Variants in VWCE observed in about 807,000 individuals in gnomAD.
The protein encoded by VWCE is von Willebrand factor C and EGF domains.
Under a neutral mutation model 102.9 loss-of-function variants are expected in VWCE, and 68 were observed. The observed-to-expected ratio is 0.66, with a 90% CI of 0.54 to 0.81. The LOEUF (loss-of-function observed/expected upper bound fraction) is 0.81, where lower values mean the gene tolerates loss of function less well. Ranked by LOEUF, VWCE falls within the 30% of genes least tolerant of loss-of-function variation. The probability of loss-of-function intolerance (pLI) is 0.00; values close to 1 mark genes in which losing one functional copy is unlikely to be tolerated. For missense variants in VWCE, 1,137 were observed against 1,263.6 expected (o/e 0.90, Z 1.52); for synonymous variants, 497 against 515.4 (o/e 0.96, Z 0.48).
intron 6 of VWCE, 167 bp downstream of exon 6, chr11:61,282,622 C>T: frequency 1.5e-6 from 1 of 648,220 alleles, no homozygotes; most frequent in Non-Finnish European, 2.8e-6. Flanking sequence ...CATGCAGAGC[C>T]ACACCAACCC....
intron 19 of VWCE, among the ~76,000 whole-genome samples, chr11:61,263,197 C>T (rs753710916): frequency 1.1e-4 from 16 of 151,846 alleles, no homozygotes; most frequent in Non-Finnish European, 2.1e-4. Flanking sequence ...ATCCCAGCTA[C>T]TCAGGAGGCT....
At chr11:61,293,933 A>T (rs1855591649) in intron 1 of VWCE, among the ~76,000 whole-genome samples, 1 of 151,744 alleles carries the variant, frequency 6.6e-6, no homozygotes, top group African/African-American at 2.4e-5. Flanking sequence ...AGTCTCATCC[A>T]CCCCCTTGCT....
Position 61,265,215 on chromosome 11 carries a change from G to T in VWCE, c.1966-3C>A. On this transcript the variant is annotated splice_region_variant and splice_polypyrimidine_tract_variant and intron_variant, in intron 16 of 19. Transcript: ENST00000335613. ...GGGGAACAGGCCACTGAGCCCAGCTGCAGGACACAGAAAACACACAAGGCC... is the reference window on the plus strand; with the variant it reads ...GGGGAACAGGCCACTGAGCCCAGCTTCAGGACACAGAAAACACACAAGGCC... The T allele has an allele frequency of 6.8e-7, 1 of 1,473,184 alleles. No homozygotes were observed. The highest frequency in any genetic ancestry group is 2.5e-5 in the East Asian group (1 of 40,528). 91.3% of individuals were successfully genotyped at this position (1,473,184 alleles called of 1,614,324 possible).
At position 61,295,179 on chromosome 11, in the gene VWCE, G is replaced by A. The variant is rs1855636735; in HGVS notation, c.-142C>T. 4 of 467,872 alleles carry A rather than the reference G, an allele frequency of 8.5e-6. No homozygotes were observed. The highest frequency in any genetic ancestry group is 1.4e-5 in the Non-Finnish European group (4 of 290,684). 29.0% of individuals were successfully genotyped at this position (467,872 alleles called of 1,614,324 possible). A position where few individuals can be genotyped will look rare whatever the true frequency, so the allele number is the denominator to read the frequency against. The stretch of plus-strand genomic sequence containing the variant: ...GAAATGGCACGCAGAGCTGAGCAGG[G>A]GGGCTTGGGACGCCGAGAGGAGGGG... On this transcript the variant is annotated 5_prime_UTR_variant, in exon 1 of 20. Transcript: ENST00000335613. The surrounding 1 kb of genome is among the most constrained non-coding windows in gnomAD (Gnocchi z 4.6).
intron 13 of VWCE, among the ~76,000 whole-genome samples, chr11:61,272,585 AACAC>A (rs765156806): frequency 2.6e-5 from 4 of 151,858 alleles, no homozygotes; most frequent in Non-Finnish European, 2.9e-5. Context: ...GAAACACAGA[AACAC>A]ACACACACAG....
At position 61,294,826 on chromosome 11, in the gene VWCE, A is replaced by T; in HGVS notation, c.110+102T>A. The stretch of plus-strand genomic sequence containing the variant: ...ATAGCACCCCAGAGGAAGCCCCGAC[A>T]CGCGGCTGCCTGCGGCTCCTGAGCG... On this transcript the variant is annotated intron_variant, in intron 1 of 19. Transcript: ENST00000335613. This position sits in a 1 kb window ranked among gnomAD's most constrained non-coding sequence, Gnocchi z 6.3. 1.3e-6 allele frequency: 1 copy of T among 760,386 alleles called. No individual in the cohort carries two copies. Among genetic ancestry groups the T allele is most frequent in the Non-Finnish European group, 1.9e-6 (1 of 538,724 alleles). The allele number at this position is 760,386 out of a possible 1,614,324, so 47.1% of individuals were successfully genotyped here.
chr11:61,291,506 T>C lies in VWCE; in HGVS notation c.181A>G (p.Met61Val), dbSNP rs1185271433. 2.6e-6 allele frequency: 4 copies of C among 1,536,000 alleles called. No homozygotes were observed. The highest frequency in any genetic ancestry group is 2.4e-5 in the East Asian group (1 of 41,000). ...SGCCPGWAPS[M>V]GGGHCTLPLC... is the part of the protein sequence containing the mutation. ...CGCAGGGTGCAGTGCCCACCACCCA[T>C]AGAGGGCGCCCAGCCAGGGCAGCAG... is the stretch of plus-strand genomic sequence containing the variant. Residue 61 changes from methionine to valine, a missense_variant, in exon 2 of 20, where the codon ATG becomes GTG. Coordinates refer to ENST00000335613, the MANE Select transcript of VWCE (RefSeq NM_152718.2).
chr11:61,278,837 G>A (rs528826062), intron 9 of VWCE, among the ~76,000 whole-genome samples: 5 of 152,036 alleles, frequency 3.3e-5, no homozygotes, highest in Admixed American at 1.3e-4. Flanking sequence ...TCAGGAGTTT[G>A]AGACCAGCCC....
chr11:61,274,882 C>A (rs923236173), intron 11 of VWCE, among the ~76,000 whole-genome samples: 1 of 152,100 alleles, frequency 6.6e-6, no homozygotes, highest in Non-Finnish European at 1.5e-5. Context: ...GTCAAAACAG[C>A]GAGACCCCAT....
chr11:61,294,674 C>T lies in VWCE; in HGVS notation c.110+254G>A, dbSNP rs1042633182. On this transcript the variant is annotated intron_variant, in intron 1 of 19. Coordinates refer to ENST00000335613, the MANE Select transcript of VWCE (RefSeq NM_152718.2). The surrounding 1 kb of genome is among the most constrained non-coding windows in gnomAD (Gnocchi z 6.3). ...GCTCCAGGGCACATTAGGAGTCACC[C>T]AACGCCTGGACCTCCGATCTCCCAG... Among the ~76,000 whole-genome samples the T allele has an allele frequency of 6.6e-6, 1 of 152,124 alleles. No individual in the cohort carries two copies. The highest frequency in any genetic ancestry group is 2.4e-5 in the African/African-American group (1 of 41,432).
At position 61,258,811 on chromosome 11, in the gene VWCE, G is replaced by A. The variant is rs376585418; in HGVS notation, c.2732C>T (p.Thr911Ile). ...LSMMDPSPSK[T>I]PITLLGPRVL... ...GCGAGGCCCGAGGAGGGTGATGGGGGTCTTCGAGGGGCTGGGGTCCATCAT... is the reference window on the plus strand; with the variant it reads ...GCGAGGCCCGAGGAGGGTGATGGGGATCTTCGAGGGGCTGGGGTCCATCAT... The change falls in exon 20 of 20, where the codon ACC becomes ATC. Residue 911 changes from threonine to isoleucine, a missense_variant. Transcript: ENST00000335613. 2.0e-6 allele frequency: 3 copies of A among 1,505,734 alleles called. No homozygotes were observed. The highest frequency in any genetic ancestry group is 2.3e-5 in the Admixed American group (1 of 43,094). 93.3% of individuals were successfully genotyped at this position (1,505,734 alleles called of 1,614,324 possible). A position where few individuals can be genotyped will look rare whatever the true frequency, so the allele number is the denominator to read the frequency against.
rs374694180 is a variant in VWCE at position 61,294,164 on chromosome 11, C to T, written c.110+764G>A. 1.3e-5 allele frequency among the ~76,000 whole-genome samples: 2 copies of T among 152,294 alleles called. No homozygotes were observed. The highest frequency in any genetic ancestry group is 2.4e-5 in the African/African-American group (1 of 41,576). ...TGACAGAGGGACAGGTGGTGGGAGC[C>T]TGTGGAACGCCGGGGAGTCGGGGCA... On this transcript the variant is annotated intron_variant, in intron 1 of 19. Coordinates refer to ENST00000335613, the MANE Select transcript of VWCE (RefSeq NM_152718.2). The surrounding 1 kb of genome is among the most constrained non-coding windows in gnomAD (Gnocchi z 6.3).
chr11:61,281,843 A>C lies in VWCE; in HGVS notation c.730T>G (p.Phe244Val), dbSNP rs1415004872. 6.2e-7 allele frequency: 1 copy of C among 1,613,956 alleles called. No homozygotes were observed. Among genetic ancestry groups the C allele is most frequent in the South Asian group, 1.1e-5 (1 of 91,004 alleles). Residue 244 changes from phenylalanine (F) to valine (V), a missense_variant, in exon 7 of 20, where the codon TTC becomes GTC. By Grantham distance (50) the Phe-to-Val change is conservative. This residue lies in a region of VWCE where 575 missense variants were observed against 625.9 expected (regional missense o/e 0.92). Coordinates refer to ENST00000335613, the MANE Select transcript of VWCE (RefSeq NM_152718.2). ...HHSCHNTVGS[F>V]LCTCRPGFRL... ...AAGCCAGGTCGGCATGTGCATAGGA[A>C]GCTGCCCACGGTGTTGTGGCAGGAA...
chr11:61,268,851 G>A (rs1477751746), intron 15 of VWCE, 71 bp downstream of exon 15: 15 of 1,496,392 alleles, frequency 1.0e-5, no homozygotes, highest in Middle Eastern at 3.4e-4. Context: ...GATGAAGGCT[G>A]TATAGGGCTT....
chr11:61,281,379 A>G (rs910415707), intron 7 of VWCE, 144 bp from the exon 8 acceptor site: 3 of 1,023,800 alleles, frequency 2.9e-6, no homozygotes, highest in Non-Finnish European at 4.2e-6. Context: ...TTATGGGGAC[A>G]CTGTCGCCGT....
chr11:61,273,178 G>C (rs1854783965), intron 13 of VWCE, 21 bp downstream of exon 13: 1 of 1,611,354 alleles, frequency 6.2e-7, no homozygotes, highest in African/African-American at 1.3e-5. Context: ...CCTGTGTCGG[G>C]GCAGCCCTGG....
At chr11:61,282,716 G>GTCCCTGGGC (rs2134823108) in intron 6 of VWCE, 73 bp downstream of exon 6, 2 of 1,241,548 alleles carry the variant, frequency 1.6e-6, no homozygotes, top group East Asian at 4.7e-5. Context: ...ACCTTCCCGG[G>GTCCCTGGGC]TCCCTGGGCT....
chr11:61,271,472 G>T, intron 14 of VWCE: 1 of 508,580 alleles, frequency 2.0e-6, no homozygotes, highest in South Asian at 2.0e-5. Flanking sequence ...AAGGCCAACT[G>T]CCAAGCACCA....
chr11:61,264,119 C>T (rs990118218), intron 19 of VWCE, among the ~76,000 whole-genome samples: 4 of 148,710 alleles, frequency 2.7e-5, no homozygotes, highest in Admixed American at 6.8e-5. Context: ...CCAGCTACTC[C>T]GGAGGCTGAG....
Sources: gnomAD v4.1 joint callset for allele counts (sites outside exome capture counted in the v4.1 genomes callset) on GRCh38, gnomAD v4.1.1 for gene constraint, gnomAD v4.1.1 regional missense constraint, Gnocchi (gnomAD v3.1) non-coding constraint, MANE v1.5 for transcripts, NCBI Gene and HGNC (gene_info 2026-07-23, HGNC 2026-07-21) for gene names.